The following ACP6 variants were observed in gnomAD, a reference collection of about 807,000 sequenced individuals.
The protein encoded by ACP6 is acid phosphatase 6, lysophosphatidic, also known as lysophosphatidic acid phosphatase type 6.
ACP6 carries 48 observed loss-of-function variants against 48.1 expected under a neutral mutation model. The observed-to-expected ratio is 1.00, with a 90% CI of 0.79 to 1.27. The LOEUF is 1.27. Among genes scored for constraint, ACP6 ranks in the 50% most tolerant of loss-of-function variants. The pLI is 0.00. For synonymous variants in ACP6, 172 were observed against 204.2 expected, an observed-to-expected ratio of 0.84 and a Z score of 1.34; for missense variants, 485 against 529.1, an observed-to-expected ratio of 0.92 and a Z score of 0.82.
At chr1:147,666,774 C>G (rs1198631058) in intron 1 of ACP6, among the ~76,000 whole-genome samples, 1 of 152,150 alleles carries the variant, frequency 6.6e-6, no homozygotes, top group Non-Finnish European at 1.5e-5. Context: ...CAATGTTCAC[C>G]ACGGTTAAGA....
chr1:147,670,222 A>C lies in ACP6; in HGVS notation c.-174T>G. 1.7e-6 allele frequency: 1 copy of C among 603,018 alleles called. No individual in the cohort carries two copies. The highest frequency in any genetic ancestry group is 2.9e-6 in the Non-Finnish European group (1 of 349,674). The allele number at this position is 603,018 out of a possible 1,614,324, so 37.4% of individuals were successfully genotyped here. A position where few individuals can be genotyped will look rare whatever the true frequency, so the allele number is the denominator to read the frequency against. ...CCTCCCGGCCCTGAGGGAGACCCCG[A>C]GTGGGAACGGGGGAGAGAACAAGAG... On this transcript the variant is annotated 5_prime_UTR_variant, in exon 1 of 10. Transcript: ENST00000583509.
chr1:147,668,460 A>T (rs1660914847), intron 1 of ACP6, among the ~76,000 whole-genome samples: 1 of 152,080 alleles, frequency 6.6e-6, no homozygotes, highest in African/African-American at 2.4e-5. Flanking sequence ...CTAGGCCTAC[A>T]CATTCAAAGT....
intron 7 of ACP6, 54 bp from the exon 8 acceptor site, chr1:147,650,292 A>C (rs1228998259): frequency 5.3e-6 from 7 of 1,327,540 alleles, no homozygotes; most frequent in Non-Finnish European, 7.3e-6. Flanking sequence ...CATTCAGGGG[A>C]CACAGACTGA....
chr1:147,669,717 A>C, intron 1 of ACP6, 113 bp downstream of exon 1: 1 of 1,191,904 alleles, frequency 8.4e-7, no homozygotes. Context: ...TTCTGGACCC[A>C]ACCCGAGCCC....
At chr1:147,641,952 G>C (rs1659464962), downstream of ACP6, among the ~76,000 whole-genome samples, 1 of 152,170 alleles carries the variant, frequency 6.6e-6, no homozygotes, top group Admixed American at 6.5e-5. Context: ...TGGGAAGTGA[G>C]ATGAAAGAGA....
chr1:147,644,307 A>T lies in ACP6; in HGVS notation c.*3116T>A, dbSNP rs1420284278. The T allele has an allele frequency of 5.3e-5, 8 of 152,242 alleles. No individual in the cohort carries two copies. The highest frequency in any genetic ancestry group is 1.9e-4 in the African/African-American group (8 of 41,452). The allele number at this position is 152,242 out of a possible 1,614,324, so 9.4% of individuals were successfully genotyped here. A position where few individuals can be genotyped will look rare whatever the true frequency, so the allele number is the denominator to read the frequency against. ...ACGCAATTATTATCTGTCAACTAAA[A>T]AGAAAGTAAAAAGTTTTTATTACAA... On this transcript the variant is annotated 3_prime_UTR_variant, in exon 10 of 10. Coordinates refer to ENST00000583509, the MANE Select transcript of ACP6 (RefSeq NM_016361.5).
chr1:147,661,538 C>T (rs1395653286), intron 1 of ACP6, among the ~76,000 whole-genome samples: 7 of 152,044 alleles, frequency 4.6e-5, no homozygotes, highest in African/African-American at 1.7e-4. Context: ...TCCTGAGACA[C>T]AACAATATTA....
intron 8 of ACP6, among the ~76,000 whole-genome samples, chr1:147,649,606 G>A (rs181137298): frequency 1.4e-4 from 21 of 152,106 alleles, no homozygotes; most frequent in South Asian, 4.2e-4. Flanking sequence ...CACCATGCCC[G>A]GATAATTTTT....
At chr1:147,667,426 C>T (rs1024359731) in intron 1 of ACP6, among the ~76,000 whole-genome samples, 4 of 151,958 alleles carry the variant, frequency 2.6e-5, no homozygotes, top group African/African-American at 7.3e-5. Context: ...CCATTTTGGC[C>T]GGGCTGATCT....
chr1:147,649,402 G>T (rs587631555), intron 8 of ACP6, among the ~76,000 whole-genome samples: 4 of 151,804 alleles, frequency 2.6e-5, no homozygotes, highest in Admixed American at 2.6e-4. Context: ...CCCAACCTTG[G>T]ATTCAAGGCT....
At chr1:147,648,603 T>G (rs894117924) in intron 8 of ACP6, among the ~76,000 whole-genome samples, 192 bp from the exon 9 acceptor site, 1 of 152,300 alleles carries the variant, frequency 6.6e-6, no homozygotes, top group South Asian at 2.1e-4. Flanking sequence ...CGTGTCTTCA[T>G]GAGGAGGGTC....
chr1:147,654,097 A>G (rs1660103295), intron 6 of ACP6, 97 bp downstream of exon 6: 1 of 1,540,304 alleles, frequency 6.5e-7, no homozygotes, highest in Non-Finnish European at 8.7e-7. Context: ...GTTGCCTTCA[A>G]ACCAGGAGGC....
downstream of ACP6, among the ~76,000 whole-genome samples, chr1:147,641,515 C>A (rs1164002878): frequency 6.6e-6 from 1 of 152,172 alleles, no homozygotes; most frequent in African/African-American, 2.4e-5. Context: ...CCTTCCCTGG[C>A]AAGCCTGGCT....
At position 147,647,401 on chromosome 1, in the gene ACP6, A is replaced by G; in HGVS notation, c.*22T>C. On this transcript the variant is annotated 3_prime_UTR_variant, in exon 10 of 10. Transcript: ENST00000583509. ...AAAGGCACTTTATTTTAAAATCAAC[A>G]CATCCTGCTTTTATAAATCAGTTAC... The G allele has an allele frequency of 1.2e-6, 2 of 1,613,510 alleles. No homozygotes were observed. The highest frequency in any genetic ancestry group is 2.2e-5 in the South Asian group (2 of 91,050).
intron 8 of ACP6, 105 bp from the exon 9 acceptor site, chr1:147,648,516 G>A: frequency 3.0e-6 from 4 of 1,345,424 alleles, no homozygotes; most frequent in African/African-American, 1.5e-5. Flanking sequence ...GAAACTAGGT[G>A]ACATCTAGAA....
chr1:147,646,232 G>A lies in ACP6; in HGVS notation c.*1191C>T, dbSNP rs1276580762. 1 of 152,222 alleles carries A rather than the reference G, an allele frequency of 6.6e-6. No homozygotes were observed. The highest frequency in any genetic ancestry group is 1.5e-5 in the Non-Finnish European group (1 of 68,050). 9.4% of individuals were successfully genotyped at this position (152,222 alleles called of 1,614,324 possible). A position where few individuals can be genotyped will look rare whatever the true frequency, so the allele number is the denominator to read the frequency against. Reference sequence around the variant, plus strand: ...GAAAATGTGAGACAAAGAAAACAAAGACAGATTTCTGATTTGGCAACTGGG... The same window carrying A: ...GAAAATGTGAGACAAAGAAAACAAAAACAGATTTCTGATTTGGCAACTGGG... On this transcript the variant is annotated 3_prime_UTR_variant, in exon 10 of 10. Coordinates refer to ENST00000583509, the MANE Select transcript of ACP6 (RefSeq NM_016361.5).
At position 147,645,427 on chromosome 1, in the gene ACP6, G is replaced by T. The variant is rs1553209341; in HGVS notation, c.*1996C>A. ...TCTTGAGATCACCTAGTGGGTGAGT[G>T]TAGGGGAAAAGGTGGAAAAAAGGTC... On this transcript the variant is annotated 3_prime_UTR_variant, in exon 10 of 10. Coordinates refer to ENST00000583509, the MANE Select transcript of ACP6 (RefSeq NM_016361.5). 3 of 152,066 alleles carry T rather than the reference G, an allele frequency of 2.0e-5. No homozygotes were observed. The highest frequency in any genetic ancestry group is 7.3e-5 in the African/African-American group (3 of 41,344). The allele number at this position is 152,066 out of a possible 1,614,324, so 9.4% of individuals were successfully genotyped here. A position where few individuals can be genotyped will look rare whatever the true frequency, so the allele number is the denominator to read the frequency against.
chr1:147,632,487 G>T (rs1204712868), intron 5 of ACP6, among the ~76,000 whole-genome samples: 1 of 152,052 alleles, frequency 6.6e-6, no homozygotes, highest in African/African-American at 2.4e-5. Context: ...GAGGCTGGGG[G>T]TGGAGGACAC....
At chr1:147,653,954 G>A (rs1660094023) in intron 6 of ACP6, among the ~76,000 whole-genome samples, 2 of 152,282 alleles carry the variant, frequency 1.3e-5, no homozygotes, top group South Asian at 2.1e-4. Flanking sequence ...CATATTGGGT[G>A]TTCTGGGGAA....
Sources: allele counts gnomAD v4.1 joint callset (sites outside exome capture counted in the v4.1 genomes callset), GRCh38; gene constraint gnomAD v4.1.1; transcripts MANE v1.5; gene names NCBI Gene and HGNC (gene_info 2026-07-23, HGNC 2026-07-21).